SNX25: variants seen among roughly 807,000 people sequenced by gnomAD.
SNX25 encodes the protein sorting nexin 25, also known as sorting nexin-25.
In SNX25, 62 loss-of-function variants were observed where a neutral mutation model predicts 113.7. That is an observed-to-expected ratio of 0.55 (90% confidence interval 0.44 to 0.67). SNX25 has a LOEUF of 0.67. SNX25 is among the 30% of genes least tolerant of loss of function. The probability of loss-of-function intolerance (pLI) is 0.00; values close to 1 mark genes in which losing one functional copy is unlikely to be tolerated. For synonymous variants in SNX25, 421 were observed against 436.2 expected (o/e 0.97, Z 0.43); for missense variants, 1,014 against 1,161.0 (o/e 0.87, Z 1.84).
chr4:185,341,862 C>A, intron 11 of SNX25, 114 bp from the exon 12 acceptor site: 1 of 1,055,294 alleles, frequency 9.5e-7, no homozygotes, highest in Non-Finnish European at 1.3e-6. Context: ...TTCCAGGGAT[C>A]CTGCAAGGTA....
downstream of SNX25, chr4:185,366,426 T>G (rs930649351): frequency 2.0e-5 from 3 of 152,232 alleles, no homozygotes; most frequent in Non-Finnish European, 4.4e-5. Context: ...CATATGTATG[T>G]AGCAGTTGTT....
chr4:185,312,172 A>G (rs1167428541), intron 7 of SNX25, among the ~76,000 whole-genome samples: 1 of 152,132 alleles, frequency 6.6e-6, no homozygotes, highest in African/African-American at 2.4e-5. Flanking sequence ...TCATTCATTC[A>G]TTCAACAGAC....
the SNX25 span, chr4:185,376,888 C>T: frequency 7.7e-6 from 12 of 1,552,444 alleles, no homozygotes; most frequent in Non-Finnish European, 1.1e-5. Flanking sequence ...GAAATGAAAA[C>T]GAATAAACAA....
At chr4:185,237,149 G>GC (rs1742762271) in intron 1 of SNX25, among the ~76,000 whole-genome samples, 1 of 85,072 alleles carries the variant, frequency 1.2e-5, no homozygotes, top group East Asian at 4.6e-4. Context: ...GCTTGACTAA[G>GC]AGGGAAAAAA....
intron 1 of SNX25, among the ~76,000 whole-genome samples, chr4:185,212,660 A>T (rs980384925): frequency 1.3e-5 from 2 of 152,022 alleles, no homozygotes; most frequent in Admixed American, 1.3e-4. Flanking sequence ...TGCTTTTTAA[A>T]TGTTCTCTTC....
intron 6 of SNX25, among the ~76,000 whole-genome samples, chr4:185,289,538 G>T (rs1251017463): frequency 6.6e-6 from 1 of 152,182 alleles, no homozygotes; most frequent in Non-Finnish European, 1.5e-5. Context: ...GCTCAGAGAG[G>T]CGGCAGGGAA....
intron 15 of SNX25, among the ~76,000 whole-genome samples, chr4:185,355,469 G>A (rs535948221): frequency 4.6e-5 from 7 of 152,050 alleles, no homozygotes; most frequent in African/African-American, 1.4e-4. Context: ...ACAGATTAAG[G>A]GTCCAAAAAT....
At chr4:185,301,161 C>T (rs1753621462) in intron 6 of SNX25, among the ~76,000 whole-genome samples, 3 of 152,220 alleles carry the variant, frequency 2.0e-5, no homozygotes, top group African/African-American at 7.2e-5. Flanking sequence ...TGGGTGTCCT[C>T]CTCAGTCTCT....
rs1229883791 is a variant in SNX25 at position 185,363,434 on chromosome 4, A to C, written c.2984A>C (p.His995Pro). ...GAACTGTGTCCTGAGCTGAGAGTTC[A>C]TTTAGATCAACTTAAAGCTGGCCAA... The part of the protein sequence containing the change: ...LIELCPELRV[H>P]LDQLKAGQV Residue 995 changes from histidine to proline, a missense_variant, in exon 19 of 19, where the codon CAT (histidine) becomes CCT (proline). Transcript: ENST00000652585. The surrounding 1 kb of genome is among the most constrained non-coding windows in gnomAD (Gnocchi z 4.2). 2.5e-6 allele frequency: 4 copies of C among 1,614,164 alleles called. No homozygotes were observed. Among genetic ancestry groups the C allele is most frequent in the Admixed American group, 1.7e-5 (1 of 60,020 alleles).
downstream of SNX25, chr4:185,365,905 G>A (rs2095386616): frequency 6.6e-6 from 1 of 152,026 alleles, no homozygotes; most frequent in Admixed American, 6.6e-5. Context: ...TGAAGTTCAG[G>A]CAATACAGAC....
chr4:185,231,406 T>G (rs951043882), intron 1 of SNX25, among the ~76,000 whole-genome samples: 1 of 151,280 alleles, frequency 6.6e-6, no homozygotes, highest in Non-Finnish European at 1.5e-5. Context: ...GCCAATAACT[T>G]GTTTCTTTTA....
chr4:185,332,685 G>A lies in SNX25; in HGVS notation c.1840G>A (p.Glu614Lys). Residue 614 changes from glutamate to lysine, a missense_variant, in exon 10 of 19, where the codon GAA becomes AAA. Physicochemically the swap from Glu to Lys is moderately conservative, Grantham distance 56. Coordinates refer to ENST00000652585, the MANE Select transcript of SNX25 (RefSeq NM_001378034.2). ...CAGTTTTGCTGTAAACAAACTGCGAGAACTAAATGAGAAACTTGAATATAA... is the reference window on the plus strand; with the variant it reads ...CAGTTTTGCTGTAAACAAACTGCGAAAACTAAATGAGAAACTTGAATATAA... ...QASFAVNKLR[E>K]LNEKLEYKRQ... 1.2e-6 allele frequency: 2 copies of A among 1,614,026 alleles called. No homozygotes were observed. Among genetic ancestry groups the A allele is most frequent in the Non-Finnish European group, 1.7e-6 (2 of 1,179,986 alleles).
chr4:185,210,174 G>A lies in SNX25; in HGVS notation c.348G>A (p.Arg116=). 4 of 984,894 alleles carry A rather than the reference G, an allele frequency of 4.1e-6. No individual in the cohort carries two copies. The highest frequency in any genetic ancestry group is 4.8e-6 in the Non-Finnish European group (4 of 830,224). The allele number at this position is 984,894 out of a possible 1,614,324, so 61.0% of individuals were successfully genotyped here. ...GGATCCTGTTTGCCCTCGTCTGCCG[G>A]AGCCCGCGCGCCCAGCCGCCCGACT... ...LLGILFALVC[R]SPRAQPPDFA... The change falls in exon 1 of 19, where the codon CGG becomes CGA. Residue 116 remains arginine, a synonymous_variant. Transcript: ENST00000652585. The surrounding 1 kb of genome is among the most constrained non-coding windows in gnomAD (Gnocchi z 4.4).
chr4:185,342,213 G>GT, intron 12 of SNX25, 97 bp downstream of exon 12: 1 of 1,334,618 alleles, frequency 7.5e-7, no homozygotes. Flanking sequence ...TTCCTTTGCT[G>GT]TTGATACTGG....
At chr4:185,223,190 A>C (rs903724841) in intron 1 of SNX25, among the ~76,000 whole-genome samples, 1 of 152,190 alleles carries the variant, frequency 6.6e-6, no homozygotes, top group African/African-American at 2.4e-5. Context: ...TTGACTTTAT[A>C]GGAATCACTT....
At position 185,328,427 on chromosome 4, in the gene SNX25, C is replaced by T. The variant is rs113269223; in HGVS notation, c.1750-4168C>T. ...AGGTGTCATTTTAGGGTCTTTCATA[C>T]GTGCACCAAGAGTGGCAAGACAGAG... is the stretch of plus-strand genomic sequence containing the variant. On this transcript the variant is annotated intron_variant, in intron 9 of 18. Coordinates refer to ENST00000652585, the MANE Select transcript of SNX25 (RefSeq NM_001378034.2). 9.2e-5 allele frequency among the ~76,000 whole-genome samples: 14 copies of T among 152,144 alleles called. 1 individual carries two copies. The highest frequency in any genetic ancestry group is 3.1e-4 in the African/African-American group (13 of 41,518).
chr4:185,246,712 C>G (rs949856660), intron 1 of SNX25, among the ~76,000 whole-genome samples: 1 of 152,072 alleles, frequency 6.6e-6, no homozygotes, highest in Non-Finnish European at 1.5e-5. Flanking sequence ...TTTAGGTAGT[C>G]AGATTTGTCA....
chr4:185,307,594 C>CAT (rs1282292049), intron 6 of SNX25, among the ~76,000 whole-genome samples: 1 of 152,110 alleles, frequency 6.6e-6, no homozygotes, highest in African/African-American at 2.4e-5. Context: ...AAACTGAATC[C>CAT]ATATAAAGGG....
chr4:185,339,087 A>T (rs1265696999), intron 10 of SNX25, among the ~76,000 whole-genome samples: 1 of 152,126 alleles, frequency 6.6e-6, no homozygotes, highest in African/African-American at 2.4e-5. Context: ...AATTCTTCCA[A>T]TCCATGAATA....
Sources: gnomAD v4.1 joint callset for allele counts (sites outside exome capture counted in the v4.1 genomes callset) on GRCh38, gnomAD v4.1.1 for gene constraint, Gnocchi (gnomAD v3.1) non-coding constraint, MANE v1.5 for transcripts, NCBI Gene and HGNC (gene_info 2026-07-23, HGNC 2026-07-21) for gene names.